The following PDE7A variants were observed in gnomAD, a reference collection of about 807,000 sequenced individuals.
The protein encoded by PDE7A is phosphodiesterase 7A.
In PDE7A, 39 loss-of-function variants were observed where a neutral mutation model predicts 64.3. The observed-to-expected ratio is 0.61, with a 90% confidence interval of 0.47 to 0.79. PDE7A has a LOEUF of 0.79. Ranked by LOEUF, PDE7A falls within the 30% of genes least tolerant of loss-of-function variation. PDE7A has a pLI of 0.00. For synonymous variants in PDE7A, 203 were observed against 206.8 expected (o/e 0.98, Z 0.16); for missense variants, 470 against 582.8 (o/e 0.81, Z 1.99).
chr8:65,715,379 G>GTT lies in PDE7A; in HGVS notation c.*3909_*3910dup, dbSNP rs869132666. On this transcript the variant is annotated 3_prime_UTR_variant, in exon 13 of 13. Transcript: ENST00000401827. ...AGAGAGACCCTGTCTCTATAAAAAA[G>GTT]TTTTTTTTTTTTTTTTGAGACAGAG... 2.7e-4 allele frequency among the ~76,000 whole-genome samples: 36 copies of GTT among 133,372 alleles called. No homozygotes were observed. Among genetic ancestry groups the GTT allele is most frequent in the South Asian group, 2.5e-4 (1 of 3,976 alleles). 87.5% of individuals were successfully genotyped at this position (133,372 alleles called of 152,430 possible).
At chr8:65,835,872 T>TAA (rs1380789868) in intron 1 of PDE7A, among the ~76,000 whole-genome samples, 1 of 152,198 alleles carries the variant, frequency 6.6e-6, no homozygotes, top group African/African-American at 2.4e-5. Context: ...TGACAACCTA[T>TAA]AAACTAGCAA....
chr8:65,765,477 A>T (rs1808731607), intron 3 of PDE7A: 1 of 108,648 alleles, frequency 9.2e-6, no homozygotes, highest in African/African-American at 3.6e-5. Flanking sequence ...CGACAGAGCG[A>T]GACTCCGTCT....
chr8:65,820,038 T>C (rs1810504710), intron 1 of PDE7A, among the ~76,000 whole-genome samples: 1 of 152,208 alleles, frequency 6.6e-6, no homozygotes, highest in Admixed American at 6.5e-5. Context: ...ACCTACTACA[T>C]GACAGCAAAA....
chr8:65,741,331 T>C (rs528079795), intron 5 of PDE7A, among the ~76,000 whole-genome samples: 32 of 152,260 alleles, frequency 2.1e-4, no homozygotes, highest in African/African-American at 7.5e-4. Context: ...TACAAAAATG[T>C]ATAAAAGACA....
intron 3 of PDE7A, among the ~76,000 whole-genome samples, chr8:65,760,225 G>C (rs1354533478): frequency 6.6e-6 from 1 of 152,166 alleles, no homozygotes; most frequent in Non-Finnish European, 1.5e-5. Flanking sequence ...GGGCAAGAGT[G>C]AGACTCCTCA....
chr8:65,724,373 T>C (rs746986131), intron 10 of PDE7A, 22 bp from the exon 11 acceptor site: 3 of 1,529,514 alleles, frequency 2.0e-6, no homozygotes, highest in Non-Finnish European at 2.7e-6. Context: ...AACATTAATA[T>C]TGTTTTAAGA....
At chr8:65,815,023 G>A (rs1364105933) in intron 1 of PDE7A, among the ~76,000 whole-genome samples, 1 of 151,924 alleles carries the variant, frequency 6.6e-6, no homozygotes, top group East Asian at 1.9e-4. Context: ...AGAGGTTGCA[G>A]TGAGCTGAGA....
At chr8:65,772,711 A>C (rs1809140974) in intron 3 of PDE7A, among the ~76,000 whole-genome samples, 4 of 152,244 alleles carry the variant, frequency 2.6e-5, no homozygotes, top group Admixed American at 2.6e-4. Flanking sequence ...ACTCAAGCCT[A>C]GGGTTAAACT....
chr8:65,717,342 C>A lies in PDE7A; in HGVS notation c.*1948G>T, dbSNP rs1563465405. 2.6e-5 allele frequency among the ~76,000 whole-genome samples: 4 copies of A among 152,148 alleles called. No individual in the cohort carries two copies. Among genetic ancestry groups the A allele is most frequent in the African/African-American group, 9.7e-5 (4 of 41,414 alleles). The stretch of plus-strand genomic sequence containing the variant: ...ATATCAATCAAGTAGAGTGGAGTGG[C>A]CTTTTCTTATCACTTTAAAAAGGCC... On this transcript the variant is annotated 3_prime_UTR_variant, in exon 13 of 13. Transcript: ENST00000401827.
chr8:65,841,198 G>T (rs1214013415), intron 1 of PDE7A, among the ~76,000 whole-genome samples, 173 bp downstream of exon 1: 2 of 152,206 alleles, frequency 1.3e-5, no homozygotes, highest in African/African-American at 4.8e-5. Flanking sequence ...GAGAACTGAG[G>T]GGGGACAGCC....
chr8:65,724,114 A>ATGTATATCTATTGTGAAT (rs1806507903), intron 11 of PDE7A, 141 bp downstream of exon 11: 2 of 570,194 alleles, frequency 3.5e-6, no homozygotes, highest in Non-Finnish European at 6.3e-6. Flanking sequence ...TATTGATTAG[A>ATGTATATCTATTGTGAAT]TGTATATCTA....
At chr8:65,833,627 A>C (rs969719692) in intron 1 of PDE7A, among the ~76,000 whole-genome samples, 4 of 152,188 alleles carry the variant, frequency 2.6e-5, no homozygotes, top group Non-Finnish European at 5.9e-5. Context: ...GGTAAAAATG[A>C]GAGTAATACT....
chr8:65,780,595 C>G (rs1238802418), intron 2 of PDE7A, among the ~76,000 whole-genome samples: 1 of 152,150 alleles, frequency 6.6e-6, no homozygotes, highest in Non-Finnish European at 1.5e-5. Context: ...CTCATCGACC[C>G]TCAGAGATAG....
intron 3 of PDE7A, among the ~76,000 whole-genome samples, chr8:65,764,376 C>T (rs976589809): frequency 2.6e-5 from 4 of 152,180 alleles, no homozygotes; most frequent in African/African-American, 7.2e-5. Flanking sequence ...CTGGCAAACT[C>T]GAGTCTGAAT....
At chr8:65,778,834 T>C (rs1203697450) in intron 3 of PDE7A, among the ~76,000 whole-genome samples, 1 of 152,222 alleles carries the variant, frequency 6.6e-6, no homozygotes, top group Non-Finnish European at 1.5e-5. Flanking sequence ...GAGTGAGATA[T>C]TTCAAAGTTG....
chr8:65,812,194 G>A (rs967341204), intron 1 of PDE7A, among the ~76,000 whole-genome samples: 7 of 147,740 alleles, frequency 4.7e-5, no homozygotes, highest in African/African-American at 1.8e-4. Context: ...GTGACAGCGC[G>A]AGACCGTTTC....
chr8:65,835,393 T>A (rs1030620738), intron 1 of PDE7A, among the ~76,000 whole-genome samples: 1 of 152,222 alleles, frequency 6.6e-6, no homozygotes, highest in Admixed American at 6.5e-5. Flanking sequence ...TAAGAGGGCC[T>A]GCATGCAATA....
chr8:65,742,561 G>A (rs1807491001), intron 5 of PDE7A, among the ~76,000 whole-genome samples: 2 of 152,102 alleles, frequency 1.3e-5, no homozygotes, highest in Non-Finnish European at 2.9e-5. Context: ...ACACAAGAAA[G>A]CACTGGATCA....
chr8:65,828,478 C>G (rs1169783362), intron 1 of PDE7A, among the ~76,000 whole-genome samples: 1 of 152,026 alleles, frequency 6.6e-6, no homozygotes, highest in African/African-American at 2.4e-5. Context: ...CATAATTTAT[C>G]CAATCCCCCA....
Sources: allele counts gnomAD v4.1 joint callset (sites outside exome capture counted in the v4.1 genomes callset), GRCh38; gene constraint gnomAD v4.1.1; transcripts MANE v1.5; gene names NCBI Gene and HGNC (gene_info 2026-07-23, HGNC 2026-07-21).